SHC4: variants seen among roughly 807,000 people sequenced by gnomAD.
SHC4 encodes SHC-transforming protein 4.
In SHC4, 41 loss-of-function variants were observed where a neutral mutation model predicts 69.4. That is an observed-to-expected ratio of 0.59 (90% CI 0.46 to 0.77). SHC4 has a LOEUF of 0.77. Ranked by LOEUF, SHC4 falls within the 30% of genes least tolerant of loss-of-function variation. The probability of loss-of-function intolerance (pLI) is 0.00; values close to 1 mark genes in which losing one functional copy is unlikely to be tolerated. For synonymous variants in SHC4, 318 were observed against 299.3 expected, an observed-to-expected ratio of 1.06 and a Z score of -0.64; for missense variants, 777 against 783.8, an observed-to-expected ratio of 0.99 and a Z score of 0.10.
intron 2 of SHC4, among the ~76,000 whole-genome samples, chr15:48,921,859 G>A (rs7164451): frequency 0.64 from 97,309 of 152,058 alleles, 31,365 homozygotes; most frequent in East Asian, 0.71. Flanking sequence ...AAATTGCTCA[G>A]TATGGGAGAC....
chr15:48,902,960 A>G (rs755306320), intron 2 of SHC4, among the ~76,000 whole-genome samples: 7 of 152,188 alleles, frequency 4.6e-5, no homozygotes, highest in African/African-American at 1.2e-4. Flanking sequence ...AAACTTGCAT[A>G]CACTTAACTA....
At position 48,878,241 on chromosome 15, in the gene SHC4, T is replaced by C. The variant is rs760215753; in HGVS notation, c.840+6007A>G. 8.7e-6 allele frequency: 14 copies of C among 1,610,466 alleles called. No individual in the cohort carries two copies. Among genetic ancestry groups the C allele is most frequent in the Middle Eastern group, 3.3e-4 (2 of 6,042 alleles). ...AGCAGTGACCTGCAGATGGATGTGA[T>C]GCCTGGCGAGGGTGACCTTCCGCAG... On this transcript the variant is annotated intron_variant, in intron 4 of 11. Transcript: ENST00000332408.
Position 48,867,883 on chromosome 15 carries a change from A to G in SHC4, c.895-14T>C, listed in dbSNP as rs767652659. ...GTCTGTAGTATCCTATAAAAAAGGG[A>G]AAATGACTGTATTTAAAATGGATGA... On this transcript the variant is annotated splice_polypyrimidine_tract_variant and intron_variant, in intron 5 of 11. Transcript: ENST00000332408. 2.5e-6 allele frequency: 4 copies of G among 1,606,218 alleles called. No individual in the cohort carries two copies. Among genetic ancestry groups the G allele is most frequent in the South Asian group, 1.1e-5 (1 of 90,588 alleles).
chr15:48,923,591 A>G (rs1294865035), intron 2 of SHC4, among the ~76,000 whole-genome samples: 4 of 143,388 alleles, frequency 2.8e-5, no homozygotes, highest in Admixed American at 6.9e-5. Context: ...GAAAATTTTG[A>G]GGGGTAGAGT....
intron 2 of SHC4, among the ~76,000 whole-genome samples, chr15:48,912,045 A>G (rs1200611557): frequency 6.6e-6 from 1 of 152,074 alleles, no homozygotes; most frequent in Non-Finnish European, 1.5e-5. Flanking sequence ...CCTTCGTCTT[A>G]ACTTTGACAA....
chr15:48,852,164 A>C (rs1899226071), intron 8 of SHC4, among the ~76,000 whole-genome samples: 1 of 152,260 alleles, frequency 6.6e-6, no homozygotes, highest in Admixed American at 6.5e-5. Flanking sequence ...AGAGAGATAC[A>C]TAAGAGCCAA....
intron 10 of SHC4, among the ~76,000 whole-genome samples, chr15:48,838,903 G>C (rs1898944506): frequency 1.3e-5 from 2 of 151,954 alleles, no homozygotes; most frequent in African/African-American, 4.8e-5. Context: ...ATTTTATTAT[G>C]AAAATAAAAC....
At chr15:48,877,553 T>C (rs865971682) in intron 4 of SHC4, 5 of 984,356 alleles carry the variant, frequency 5.1e-6, no homozygotes, top group Non-Finnish European at 6.0e-6. Flanking sequence ...TAAAAAGAAT[T>C]CAAAGAATAC....
In SHC4 at chr15:48,862,553, G is replaced by C. The variant is rs1020659220; in HGVS notation, c.947-4738C>G. 1.2e-4 allele frequency among the ~76,000 whole-genome samples: 18 copies of C among 152,280 alleles called. No homozygotes were observed. The East Asian group carries it at 3.3e-3, about 28-fold the overall frequency. On this transcript the variant is annotated intron_variant, in intron 6 of 11. Transcript: ENST00000332408. Reference sequence around the variant, plus strand: ...CTAAAAGCGAATCAAGCAAAAGGAAGAGTGGGAAGCTTCGGGATTGTCAGC... The same window carrying C: ...CTAAAAGCGAATCAAGCAAAAGGAACAGTGGGAAGCTTCGGGATTGTCAGC...
chr15:48,865,838 A>C (rs1274089910), intron 6 of SHC4, among the ~76,000 whole-genome samples: 1 of 152,152 alleles, frequency 6.6e-6, no homozygotes, highest in Admixed American at 6.5e-5. Flanking sequence ...GCTCTGACAA[A>C]TGACTCAGGC....
chr15:48,933,301 A>T (rs1901006216), intron 1 of SHC4, among the ~76,000 whole-genome samples: 2 of 152,202 alleles, frequency 1.3e-5, no homozygotes, highest in Non-Finnish European at 2.9e-5. Context: ...AATCCAAAAC[A>T]AAATTAAGAA....
Position 48,924,886 on chromosome 15 carries a change from C to G in SHC4, c.649G>C (p.Val217Leu). 2 of 1,614,162 alleles carry G rather than the reference C, an allele frequency of 1.2e-6. No homozygotes were observed. Among genetic ancestry groups the G allele is most frequent in the South Asian group, 2.2e-5 (2 of 91,088 alleles). Residue 217 changes from valine (V) to leucine (L), a missense_variant, in exon 2 of 12, where the codon GTT becomes CTT. Val to Leu is a conservative substitution (Grantham distance 32). Transcript: ENST00000332408. ...CCATTTTTGGCTTCTTACCTTGTAA[C>G]TTGGGTTCTCATTCCAAAATCCAGT... ...RSLDFGMRTQ[V>L]TREAISRLCE... is the part of the protein sequence containing the mutation.
intron 11 of SHC4, among the ~76,000 whole-genome samples, chr15:48,826,714 A>G (rs764887260): frequency 6.6e-6 from 1 of 152,196 alleles, no homozygotes; most frequent in Non-Finnish European, 1.5e-5. Flanking sequence ...ACTGGTTTGT[A>G]TACAAGCATG....
chr15:48,893,591 T>A (rs1330692877), intron 2 of SHC4, among the ~76,000 whole-genome samples: 1 of 152,168 alleles, frequency 6.6e-6, no homozygotes, highest in East Asian at 1.9e-4. Context: ...GAGAAATCAT[T>A]TGGCTTTTTA....
At position 48,910,647 on chromosome 15, in the gene SHC4, G is replaced by A. The variant is rs371433135; in HGVS notation, c.656+14232C>T. 1.1e-4 allele frequency among the ~76,000 whole-genome samples: 17 copies of A among 152,016 alleles called. No individual in the cohort carries two copies. In the East Asian group the frequency reaches 1.9e-3, roughly 17 times the overall value. On this transcript the variant is annotated intron_variant, in intron 2 of 11. Transcript: ENST00000332408. ...TCTTGTTTCTCTAGTTCCTTGAGGT[G>A]TGACTTTAGATTGTCTGTTTGTGCT...
At chr15:48,884,548 G>A (rs995386446) in intron 3 of SHC4, among the ~76,000 whole-genome samples, 181 bp from the exon 4 acceptor site, 1 of 152,064 alleles carries the variant, frequency 6.6e-6, no homozygotes, top group Admixed American at 6.6e-5. Context: ...AAATTAGGAT[G>A]CAGCGAATTC....
At chr15:48,960,407 AC>A (rs1252304043) in intron 1 of SHC4, among the ~76,000 whole-genome samples, 5 of 152,208 alleles carry the variant, frequency 3.3e-5, no homozygotes. Context: ...CCTGGCACAC[AC>A]CTAATCTTGA....
intron 2 of SHC4, among the ~76,000 whole-genome samples, chr15:48,892,568 A>G (rs1344298962): frequency 6.6e-6 from 1 of 152,176 alleles, no homozygotes; most frequent in African/African-American, 2.4e-5. Context: ...CATATTATTA[A>G]TCCAAATTGG....
chr15:48,923,279 T>C (rs1900783507), intron 2 of SHC4, among the ~76,000 whole-genome samples: 1 of 152,094 alleles, frequency 6.6e-6, no homozygotes, highest in Non-Finnish European at 1.5e-5. Context: ...AGGCTGGGTG[T>C]AGTGGCTCAC....
Sources: allele counts gnomAD v4.1 joint callset (sites outside exome capture counted in the v4.1 genomes callset), GRCh38; gene constraint gnomAD v4.1.1; transcripts MANE v1.5; gene names NCBI Gene and HGNC (gene_info 2026-07-23, HGNC 2026-07-21).